TG: variants seen among roughly 807,000 people sequenced by gnomAD.
The protein encoded by TG is thyroid hormones.
TG carries 270 observed loss-of-function variants against 324.7 expected under a neutral mutation model. That is an observed-to-expected ratio of 0.83 (90% CI 0.75 to 0.92). The LOEUF is 0.92. TG is among the 40% of genes least tolerant of loss of function. TG has a pLI of 0.00. For synonymous variants in TG, 1,401 were observed against 1,327.0 expected (o/e 1.06, Z -1.21); for missense variants, 3,591 against 3,456.4 (o/e 1.04, Z -0.98).
intron 41 of TG, among the ~76,000 whole-genome samples, chr8:133,074,439 A>G (rs1844557971): frequency 6.6e-6 from 1 of 152,108 alleles, no homozygotes; most frequent in South Asian, 2.1e-4. Context: ...TTTGCCCTAT[A>G]CCTGTGTGCA....
chr8:133,115,164 T>G (rs1411674653), intron 44 of TG, among the ~76,000 whole-genome samples: 1 of 152,098 alleles, frequency 6.6e-6, no homozygotes, highest in Non-Finnish European at 1.5e-5. Context: ...TATCTGACCT[T>G]AAGGACAACC....
At chr8:133,128,519 A>G (rs1334851011) in intron 45 of TG, among the ~76,000 whole-genome samples, 1 of 152,080 alleles carries the variant, frequency 6.6e-6, no homozygotes, top group African/African-American at 2.4e-5. Flanking sequence ...CACTCGATCT[A>G]TGAGCATCCG....
At chr8:133,024,358 CTTTCTT>C in intron 40 of TG, among the ~76,000 whole-genome samples, 1 of 126,296 alleles carries the variant, frequency 7.9e-6, no homozygotes, top group African/African-American at 3.4e-5. Context: ...TTCTTTCTTT[CTTTCTT>C]TCTTTCTTTC....
intron 5 of TG, among the ~76,000 whole-genome samples, chr8:132,878,313 A>G (rs1045636618): frequency 1.6e-4 from 24 of 152,094 alleles, no homozygotes; most frequent in African/African-American, 5.8e-4. Flanking sequence ...CCAAAGGCCA[A>G]TGCCTATAAA....
At chr8:132,966,527 G>T (rs1243896994) in intron 29 of TG, 33 bp from the exon 30 acceptor site, 1 of 1,613,076 alleles carries the variant, frequency 6.2e-7, no homozygotes, top group African/African-American at 1.3e-5. Context: ...AGAGTTAAAG[G>T]TGCAGGAAGT....
intron 43 of TG, among the ~76,000 whole-genome samples, chr8:133,099,282 G>A (rs534814331): frequency 6.6e-6 from 1 of 152,344 alleles, no homozygotes; most frequent in Admixed American, 6.5e-5. Context: ...GTTCGTTTCT[G>A]GCTTCGCTTC....
In TG at chr8:132,948,946, A is replaced by T; in HGVS notation, c.5401+3A>T. ...TGGAGACCAGGAGTTCATCAAGAGT[A>T]AGTCTTTGCCATTTGTCCATATTCT... On this transcript the variant is annotated splice_donor_region_variant and intron_variant, in intron 27 of 47. Coordinates refer to ENST00000220616, the MANE Select transcript of TG (RefSeq NM_003235.5). 6.2e-7 allele frequency: 1 copy of T among 1,613,032 alleles called. No individual in the cohort carries two copies.
rs558704642 is a variant in TG, at chr8:132,968,059, T to TA, written c.5863+95dup. On this transcript the variant is annotated intron_variant, in intron 31 of 47. Coordinates refer to ENST00000220616, the MANE Select transcript of TG (RefSeq NM_003235.5). The stretch of plus-strand genomic sequence containing the variant: ...GAAAGATCCACATTAGTTTCTTATT[T>TA]AAAAAACATTTTCTTTATACTTTTA... The TA allele has an allele frequency of 4.0e-3, 5,824 of 1,454,650 alleles. 28 individuals are homozygous for TA. Among genetic ancestry groups the TA allele is most frequent in the Middle Eastern group, 4.3e-3 (18 of 4,210 alleles). The allele number at this position is 1,454,650 out of a possible 1,614,324, so 90.1% of individuals were successfully genotyped here.
intron 34 of TG, among the ~76,000 whole-genome samples, chr8:132,974,803 C>T (rs1829997420): frequency 6.6e-6 from 1 of 152,182 alleles, no homozygotes; most frequent in Non-Finnish European, 1.5e-5. Context: ...GATGCAGCTC[C>T]CAGGCAGTAT....
At chr8:132,999,484 G>A (rs1209572540) in intron 35 of TG, among the ~76,000 whole-genome samples, 1 of 152,126 alleles carries the variant, frequency 6.6e-6, no homozygotes, top group African/African-American at 2.4e-5. Context: ...CAAACTCCCT[G>A]TCAAGCTGCC....
chr8:132,928,943 C>A, intron 22 of TG, 133 bp from the exon 23 acceptor site: 1 of 769,190 alleles, frequency 1.3e-6, no homozygotes, highest in Non-Finnish European at 2.3e-6. Context: ...AAAGGAATTG[C>A]TTTTCCTGGG....
At chr8:133,133,369 G>A (rs1017753194) in intron 46 of TG, 101 bp from the exon 47 acceptor site, 2 of 1,215,662 alleles carry the variant, frequency 1.6e-6, no homozygotes, top group Non-Finnish European at 2.4e-6. Context: ...ACAGATACAT[G>A]AATTGTCCCT....
intron 35 of TG, among the ~76,000 whole-genome samples, chr8:132,990,570 C>A (rs1832188192): frequency 6.6e-6 from 1 of 152,098 alleles, no homozygotes; most frequent in East Asian, 1.9e-4. Flanking sequence ...ACCTCCCTGT[C>A]TCCTCCCCCT....
At chr8:133,029,076 G>C (rs1013190026) in intron 40 of TG, among the ~76,000 whole-genome samples, 10 of 152,126 alleles carry the variant, frequency 6.6e-5, no homozygotes, top group African/African-American at 2.2e-4. Flanking sequence ...ATGAGATCTG[G>C]TGTTTCAAGG....
chr8:132,871,845 T>A (rs1327525466), intron 4 of TG, among the ~76,000 whole-genome samples: 2 of 152,190 alleles, frequency 1.3e-5, no homozygotes, highest in Non-Finnish European at 2.9e-5. Context: ...GTGTATAGTA[T>A]AAGCACAGCC....
chr8:132,968,094 A>G (rs6988035), intron 31 of TG, 124 bp downstream of exon 31: 1 of 1,187,624 alleles, frequency 8.4e-7, no homozygotes, highest in Non-Finnish European at 1.2e-6. Flanking sequence ...ATTGGTTTCA[A>G]GAAGATGGGA....
chr8:133,058,974 A>G (rs1841958771), intron 41 of TG: 2 of 474,346 alleles, frequency 4.2e-6, no homozygotes, highest in Non-Finnish European at 8.4e-6. Context: ...GGAGGCCATC[A>G]GACCACACAA....
At chr8:133,043,124 G>A (rs553360895) in intron 41 of TG, among the ~76,000 whole-genome samples, 21 of 152,282 alleles carry the variant, frequency 1.4e-4, no homozygotes, top group African/African-American at 4.1e-4. Context: ...GTGAACAGAT[G>A]ACTGTAATCC....
At chr8:132,991,721 A>G (rs1368937398) in intron 35 of TG, among the ~76,000 whole-genome samples, 1 of 151,970 alleles carries the variant, frequency 6.6e-6, no homozygotes, top group Non-Finnish European at 1.5e-5. Context: ...CAGCTGCAAC[A>G]CTCAGCACGC....
Sources: allele counts gnomAD v4.1 joint callset (sites outside exome capture counted in the v4.1 genomes callset), GRCh38; gene constraint gnomAD v4.1.1; transcripts MANE v1.5; gene names NCBI Gene and HGNC (gene_info 2026-07-23, HGNC 2026-07-21).